Variants in NRXN3 observed in about 807,000 individuals in gnomAD.
The protein encoded by NRXN3 is neurexin III.
Under a neutral mutation model 137.6 loss-of-function variants are expected in NRXN3, and 32 were observed. The ratio of observed to expected loss-of-function variants is 0.23; its 90% CI spans 0.18 to 0.31. NRXN3 has a LOEUF of 0.31. NRXN3 is among the 10% of genes least tolerant of loss of function. NRXN3 has a pLI of 1.00. For synonymous variants in NRXN3, 798 were observed against 784.5 expected (o/e 1.02, Z -0.29); for missense variants, 1,574 against 2,062.5 (o/e 0.76, Z 4.59).
intron 10 of NRXN3, among the ~76,000 whole-genome samples, chr14:78,902,200 A>C (rs1392054886): frequency 6.6e-6 from 1 of 152,076 alleles, no homozygotes; most frequent in Non-Finnish European, 1.5e-5. Flanking sequence ...CTTGTGCAGA[A>C]TCTCACATCC....
At chr14:79,023,328 C>T (rs986464565) in intron 15 of NRXN3, among the ~76,000 whole-genome samples, 1 of 151,904 alleles carries the variant, frequency 6.6e-6, no homozygotes, top group South Asian at 2.1e-4. Flanking sequence ...ACAGACCAAG[C>T]TCCAAGCTTT....
In NRXN3 at chr14:78,966,332, C is replaced by G; in HGVS notation, c.2703C>G (p.Thr901=). ...TGCACCTCTTCTTCCAGTTCAAGAC[C>G]ACCTCACCAGATGGCTTCATTCTCT... The part of the protein sequence containing the change: ...TSMHLFFQFK[T]TSPDGFILFN... The change falls in exon 12 of 21, where the codon ACC becomes ACG. Residue 901 remains threonine, a synonymous_variant. Coordinates refer to ENST00000335750, the MANE Select transcript of NRXN3 (RefSeq NM_001330195.2). 3.7e-6 allele frequency: 6 copies of G among 1,614,168 alleles called. No individual in the cohort carries two copies. Among genetic ancestry groups the G allele is most frequent in the Non-Finnish European group, 5.1e-6 (6 of 1,180,020 alleles).
At chr14:79,141,211 G>T (rs2058759387) in intron 15 of NRXN3, among the ~76,000 whole-genome samples, 1 of 152,172 alleles carries the variant, frequency 6.6e-6, no homozygotes, top group African/African-American at 2.4e-5. Context: ...TCTACAACCA[G>T]TGGAATAGTC....
intron 16 of NRXN3, among the ~76,000 whole-genome samples, chr14:79,652,039 G>A (rs1351826654): frequency 6.6e-6 from 1 of 152,144 alleles, no homozygotes; most frequent in Non-Finnish European, 1.5e-5. Flanking sequence ...CGATATTACA[G>A]TTGGATTATA....
chr14:79,140,573 CTGTGTG>C (rs3035591), intron 15 of NRXN3, among the ~76,000 whole-genome samples: 84 of 143,908 alleles, frequency 5.8e-4, no homozygotes, highest in Middle Eastern at 3.6e-3. Context: ...CCCCACCTCA[CTGTGTG>C]TGTGTGTGTG....
At chr14:79,686,385 C>G (rs1472254168) in intron 17 of NRXN3, among the ~76,000 whole-genome samples, 1 of 152,132 alleles carries the variant, frequency 6.6e-6, no homozygotes, top group Non-Finnish European at 1.5e-5. Context: ...TTTACCCTGA[C>G]TCCCATCCCC....
In NRXN3 at chr14:79,311,771, G is replaced by A. The variant is rs370365150; in HGVS notation, c.3263-155450G>A. On this transcript the variant is annotated intron_variant, in intron 15 of 20. Transcript: ENST00000335750. ...TGGTAGTTTGTATTTCTGTGGGATCGGTGGTGATATCCCCTTTATCATTTT... is the reference window on the plus strand; with the variant it reads ...TGGTAGTTTGTATTTCTGTGGGATCAGTGGTGATATCCCCTTTATCATTTT... 1.2e-3 allele frequency among the ~76,000 whole-genome samples: 34 copies of A among 27,594 alleles called. 1 individual carries two copies. In the East Asian group the frequency reaches 0.049, roughly 40 times the overall value. The allele number at this position is 27,594 out of a possible 152,430, so 18.1% of individuals were successfully genotyped here. A position where few individuals can be genotyped will look rare whatever the true frequency, so the allele number is the denominator to read the frequency against.
At chr14:79,213,626 G>T (rs75083405) in intron 15 of NRXN3, among the ~76,000 whole-genome samples, 6,324 of 143,196 alleles carry the variant, frequency 0.044, 174 homozygotes, top group South Asian at 0.13. Flanking sequence ...CTTTTTTTTT[G>T]GGGGGGGGTG....
intron 16 of NRXN3, among the ~76,000 whole-genome samples, chr14:79,579,731 G>A (rs763389213): frequency 7.2e-5 from 11 of 152,146 alleles, no homozygotes; most frequent in South Asian, 2.1e-4. Context: ...CATGCATAAC[G>A]TGTAATGATG....
At chr14:78,446,138 A>G (rs567410069) in intron 4 of NRXN3, among the ~76,000 whole-genome samples, 20 of 152,280 alleles carry the variant, frequency 1.3e-4, no homozygotes, top group African/African-American at 3.9e-4. Context: ...CCCCACTTCT[A>G]TAAACTACTG....
At chr14:79,085,228 T>G (rs2047879653) in intron 15 of NRXN3, among the ~76,000 whole-genome samples, 2 of 152,300 alleles carry the variant, frequency 1.3e-5, no homozygotes, top group African/African-American at 4.8e-5. Flanking sequence ...TTAAATACAT[T>G]TATATGGCTA....
At chr14:78,310,838 G>A (rs188192808) in intron 4 of NRXN3, among the ~76,000 whole-genome samples, 1 of 152,196 alleles carries the variant, frequency 6.6e-6, no homozygotes, top group Admixed American at 6.5e-5. Context: ...ACGGGAGCAA[G>A]AATACTAGAC....
intron 1 of NRXN3, among the ~76,000 whole-genome samples, chr14:78,183,557 A>G (rs1734193793): frequency 1.3e-5 from 2 of 152,196 alleles, no homozygotes; most frequent in Non-Finnish European, 2.9e-5. Flanking sequence ...TAAATTCCTG[A>G]AAGGTTTGCC....
At chr14:78,525,988 T>A (rs887712031) in intron 4 of NRXN3, among the ~76,000 whole-genome samples, 1 of 152,198 alleles carries the variant, frequency 6.6e-6, no homozygotes, top group East Asian at 1.9e-4. Flanking sequence ...AGGGGATTCA[T>A]AAGAGCCTTG....
chr14:78,546,473 C>T (rs1270670313), intron 4 of NRXN3, among the ~76,000 whole-genome samples: 1 of 152,114 alleles, frequency 6.6e-6, no homozygotes, highest in African/African-American at 2.4e-5. Context: ...ATTTTGCCAT[C>T]AAATATGTTA....
intron 16 of NRXN3, among the ~76,000 whole-genome samples, chr14:79,548,817 A>G (rs2097346999): frequency 2.6e-5 from 4 of 152,178 alleles, no homozygotes; most frequent in African/African-American, 4.8e-5. Flanking sequence ...CCAAGCAAAG[A>G]AACAAAGAGA....
chr14:78,223,747 G>C (rs2064133181), intron 1 of NRXN3, among the ~76,000 whole-genome samples: 1 of 152,222 alleles, frequency 6.6e-6, no homozygotes, highest in Admixed American at 6.5e-5. Context: ...GATGTGGCCA[G>C]AGGTTGGGAG....
chr14:78,494,321 A>T (rs975029210), intron 4 of NRXN3, among the ~76,000 whole-genome samples: 4 of 152,082 alleles, frequency 2.6e-5, no homozygotes, highest in Admixed American at 2.6e-4. Context: ...GTCAGAAGAA[A>T]TGTTCAAGTC....
rs1187740052 is a variant in NRXN3, at chr14:78,623,783, G to A, written c.758-21337G>A. ...GGGTTTCACCATGTTGGTCAGGCTG[G>A]TCTAAAACTCCTGACCTCAGGTGAT... On this transcript the variant is annotated intron_variant, in intron 4 of 20. Transcript: ENST00000335750. 2.6e-5 allele frequency among the ~76,000 whole-genome samples: 4 copies of A among 152,118 alleles called. 1 individual carries two copies. In the South Asian group the frequency reaches 8.3e-4, roughly 32 times the overall value.
Sources: gnomAD v4.1 joint callset for allele counts (sites outside exome capture counted in the v4.1 genomes callset) on GRCh38, gnomAD v4.1.1 for gene constraint, MANE v1.5 for transcripts, NCBI Gene and HGNC (gene_info 2026-07-23, HGNC 2026-07-21) for gene names.